Variants in PITPNM3 observed in about 807,000 individuals in gnomAD.
PITPNM3 encodes the protein membrane-associated phosphatidylinositol transfer protein 3.
A neutral mutation model predicts 102.0 loss-of-function variants in PITPNM3; 26 were observed. The observed-to-expected ratio is 0.25, with a 90% CI of 0.19 to 0.35. The LOEUF (loss-of-function observed/expected upper bound fraction) is 0.35. PITPNM3 is among the 10% of genes least tolerant of loss of function. The pLI is 1.00. For synonymous variants in PITPNM3, 578 were observed against 558.6 expected, an observed-to-expected ratio of 1.03 and a Z score of -0.49; for missense variants, 1,083 against 1,346.1, an observed-to-expected ratio of 0.80 and a Z score of 3.06.
chr17:6,499,413 C>T (rs1240040059), intron 4 of PITPNM3, among the ~76,000 whole-genome samples: 1 of 152,258 alleles, frequency 6.6e-6, no homozygotes, highest in African/African-American at 2.4e-5. Context: ...TGCTGTCTGG[C>T]TGGCTCATGT....
At chr17:6,535,948 C>T (rs1909396989) in intron 2 of PITPNM3, among the ~76,000 whole-genome samples, 1 of 151,840 alleles carries the variant, frequency 6.6e-6, no homozygotes. Context: ...CCTGTAATCC[C>T]AGCTACTTGG....
chr17:6,556,354 C>A lies in PITPNM3; in HGVS notation c.22+31G>T. 1 of 1,401,206 alleles carries A rather than the reference C, an allele frequency of 7.1e-7. No individual in the cohort carries two copies. Among genetic ancestry groups the A allele is most frequent in the East Asian group, 3.2e-5 (1 of 31,588 alleles). 86.8% of individuals were successfully genotyped at this position (1,401,206 alleles called of 1,614,324 possible). On this transcript the variant is annotated intron_variant, in intron 1 of 19. Coordinates refer to ENST00000262483, the MANE Select transcript of PITPNM3 (RefSeq NM_031220.4). The surrounding 1 kb of genome is among the most constrained non-coding windows in gnomAD (Gnocchi z 5.2). ...GACGCGCGAGTCCCTCCCCCGGGCC[C>A]CGGCCCTGCCCTCCCCGCGCCCGCC...
At chr17:6,486,359 T>A (rs1906093104) in intron 4 of PITPNM3, among the ~76,000 whole-genome samples, 1 of 151,646 alleles carries the variant, frequency 6.6e-6, no homozygotes, top group Non-Finnish European at 1.5e-5. Flanking sequence ...CCTCTAGGAG[T>A]CACATCTGGG....
chr17:6,467,287 G>A (rs998060573), intron 14 of PITPNM3, among the ~76,000 whole-genome samples: 3 of 152,096 alleles, frequency 2.0e-5, no homozygotes, highest in Admixed American at 1.3e-4. Flanking sequence ...TCATTTCATC[G>A]AAATGAAATG....
Position 6,461,526 on chromosome 17 carries a change from A to G in PITPNM3, c.2337T>C (p.Leu779=). The G allele has an allele frequency of 6.2e-7, 1 of 1,614,212 alleles. No individual in the cohort carries two copies. Among genetic ancestry groups the G allele is most frequent in the Non-Finnish European group, 8.5e-7 (1 of 1,180,032 alleles). The change falls in exon 18 of 20, where the codon CTT becomes CTC. Residue 779 remains leucine (L), a synonymous_variant. Transcript: ENST00000262483. The part of the protein sequence containing the change: ...RHWQDLGYMI[L]YITGRPDMQK... ...GCATGTCCGGCCGTCCCGTGATGTA[A>G]AGGATCATGTAGCCCAAGTCCTGCC...
At chr17:6,474,383 G>A in intron 10 of PITPNM3, 49 bp downstream of exon 10, 1 of 1,585,666 alleles carries the variant, frequency 6.3e-7, no homozygotes, top group Non-Finnish European at 8.6e-7. Context: ...TGACACGGTG[G>A]CCCTAGTGAC....
chr17:6,532,697 T>A (rs1193072062), intron 2 of PITPNM3, among the ~76,000 whole-genome samples: 2 of 152,180 alleles, frequency 1.3e-5, no homozygotes, highest in East Asian at 1.9e-4. Context: ...TACCACAATT[T>A]GTTCACTCAC....
At chr17:6,535,969 CAGG>C (rs1026854787) in intron 2 of PITPNM3, among the ~76,000 whole-genome samples, 3 of 150,490 alleles carry the variant, frequency 2.0e-5, no homozygotes, top group Non-Finnish European at 4.4e-5. Flanking sequence ...GAGGCTGAGG[CAGG>C]AGAATTGCTT....
At position 6,459,414 on chromosome 17, in the gene PITPNM3, G is replaced by A. The variant is rs140099159; in HGVS notation, c.2491-1692C>T. Among the ~76,000 whole-genome samples, 728 of 151,598 alleles carry A rather than the reference G, an allele frequency of 4.8e-3. 5 individuals are homozygous for A. Among genetic ancestry groups the A allele is most frequent in the African/African-American group, 0.016 (669 of 41,238 alleles). ...TGGTTCCTCAGCTGCTCCTTGTGCT[G>A]CTCTCAGTGGCCCAGCACAGCCTCT... On this transcript the variant is annotated intron_variant, in intron 18 of 19. Transcript: ENST00000262483. The surrounding 1 kb of genome is among the most constrained non-coding windows in gnomAD (Gnocchi z 5.0).
chr17:6,533,900 C>T (rs17731262), intron 2 of PITPNM3, among the ~76,000 whole-genome samples: 4,282 of 152,274 alleles, frequency 0.028, 79 homozygotes, highest in Non-Finnish European at 0.044. Flanking sequence ...ACTTGATGGA[C>T]GGACGCACCA....
At chr17:6,548,554 G>T (rs1466829012) in intron 1 of PITPNM3, among the ~76,000 whole-genome samples, 1 of 152,112 alleles carries the variant, frequency 6.6e-6, no homozygotes, top group Non-Finnish European at 1.5e-5. Context: ...AAGGAGTTCT[G>T]TTGAGGGTAG....
intron 12 of PITPNM3, 96 bp downstream of exon 12, chr17:6,471,065 C>T: frequency 7.0e-7 from 1 of 1,433,164 alleles, no homozygotes; most frequent in Non-Finnish European, 9.6e-7. Flanking sequence ...TATCCCAGGG[C>T]CTGCCCTCAG....
chr17:6,526,540 T>C (rs1026519111), intron 2 of PITPNM3, among the ~76,000 whole-genome samples: 1 of 152,232 alleles, frequency 6.6e-6, no homozygotes, highest in Admixed American at 6.5e-5. Flanking sequence ...ATGGTGCATC[T>C]GAAGCTTTGG....
At chr17:6,548,385 C>T (rs1230267474) in intron 1 of PITPNM3, among the ~76,000 whole-genome samples, 1 of 152,178 alleles carries the variant, frequency 6.6e-6, no homozygotes, top group African/African-American at 2.4e-5. Flanking sequence ...GGTAAACACA[C>T]ACACACACCC....
intron 1 of PITPNM3, among the ~76,000 whole-genome samples, chr17:6,539,927 T>C (rs1909644775): frequency 6.6e-6 from 1 of 151,980 alleles, no homozygotes; most frequent in African/African-American, 2.4e-5. Flanking sequence ...AGCAACAAAG[T>C]CAGCTGAGGA....
intron 1 of PITPNM3, among the ~76,000 whole-genome samples, chr17:6,550,865 A>C (rs1314722119): frequency 2.0e-5 from 3 of 152,130 alleles, no homozygotes; most frequent in Non-Finnish European, 2.9e-5. Flanking sequence ...TTGAGGTGGA[A>C]CCTCTCTGTT....
chr17:6,467,067 C>CAAAAAAAAAA (rs1408443729), intron 14 of PITPNM3, among the ~76,000 whole-genome samples: 2 of 4,740 alleles, frequency 4.2e-4, no homozygotes, highest in African/African-American at 7.0e-4. Flanking sequence ...CGTCTCAAAA[C>CAAAAAAAAAA]AAAAAAAAAA....
At chr17:6,486,947 C>T (rs1287723992) in intron 4 of PITPNM3, among the ~76,000 whole-genome samples, 3 of 152,186 alleles carry the variant, frequency 2.0e-5, no homozygotes, top group African/African-American at 7.2e-5. Context: ...TCACTTGCCC[C>T]ACGTACCTTA....
chr17:6,478,814 G>A lies in PITPNM3; in HGVS notation c.588-78C>T. 1 of 1,412,410 alleles carries A rather than the reference G, an allele frequency of 7.1e-7. No individual in the cohort carries two copies. Among genetic ancestry groups the A allele is most frequent in the Non-Finnish European group, 9.5e-7 (1 of 1,050,978 alleles). The allele number at this position is 1,412,410 out of a possible 1,614,324, so 87.5% of individuals were successfully genotyped here. On this transcript the variant is annotated intron_variant, in intron 6 of 19. Coordinates refer to ENST00000262483, the MANE Select transcript of PITPNM3 (RefSeq NM_031220.4). The surrounding 1 kb of genome is among the most constrained non-coding windows in gnomAD (Gnocchi z 4.4). Reference sequence around the variant, plus strand: ...GTTTGGGGCTGAGGATCAGGCAGAAGAGAGCACATACTGGCCAGGAATTGG... The same window carrying A: ...GTTTGGGGCTGAGGATCAGGCAGAAAAGAGCACATACTGGCCAGGAATTGG...
Sources: allele counts gnomAD v4.1 joint callset (sites outside exome capture counted in the v4.1 genomes callset), GRCh38; gene constraint gnomAD v4.1.1; non-coding constraint Gnocchi (gnomAD v3.1); transcripts MANE v1.5; gene names NCBI Gene and HGNC (gene_info 2026-07-23, HGNC 2026-07-21).